GNG7: variants seen among roughly 807,000 people sequenced by gnomAD.
GNG7 encodes G protein subunit gamma 7.
Under a neutral mutation model 4.0 loss-of-function variants are expected in GNG7, and 1 was observed. That is an observed-to-expected ratio of 0.25 (90% CI 0.09 to 1.18). The LOEUF is 1.18. GNG7 is among the 50% of genes most tolerant of loss of function. The probability of loss-of-function intolerance (pLI) is 0.50; values close to 1 mark genes in which losing one functional copy is unlikely to be tolerated. For missense variants in GNG7, 86 were observed against 91.9 expected (o/e 0.94, Z 0.26); for synonymous variants, 34 against 36.9 (o/e 0.92, Z 0.29).
chr19:2,651,247 TC>T (rs1982806532), intron 1 of GNG7, among the ~76,000 whole-genome samples: 1 of 49,828 alleles, frequency 2.0e-5, no homozygotes, highest in African/African-American at 5.1e-5. Flanking sequence ...TTCCTTCCTT[TC>T]CTTCCTTCCT....
At chr19:2,554,152 ATATAT>A (rs1424186021) in intron 3 of GNG7, among the ~76,000 whole-genome samples, 2 of 144,998 alleles carry the variant, frequency 1.4e-5, no homozygotes, top group African/African-American at 2.5e-5. Flanking sequence ...GTGAACTATA[ATATAT>A]TATATATAAT....
intron 3 of GNG7, chr19:2,538,753 GAT>G (rs760187930): frequency 2.3e-6 from 1 of 431,290 alleles, no homozygotes; most frequent in East Asian, 7.3e-5. Context: ...AGACTTCCTA[GAT>G]ATATATATTT....
At chr19:2,576,979 C>T (rs374946090) in intron 2 of GNG7, among the ~76,000 whole-genome samples, 4 of 152,372 alleles carry the variant, frequency 2.6e-5, no homozygotes, top group East Asian at 3.9e-4. Flanking sequence ...CCTCTGTGCC[C>T]GGCCTGAATT....
chr19:2,663,235 A>G (rs1273912239), intron 1 of GNG7, among the ~76,000 whole-genome samples: 1 of 152,090 alleles, frequency 6.6e-6, no homozygotes, highest in East Asian at 1.9e-4. Flanking sequence ...TTAATTCCCA[A>G]TGCCACCATG....
chr19:2,568,923 A>G (rs901489717), intron 2 of GNG7, among the ~76,000 whole-genome samples: 4 of 152,140 alleles, frequency 2.6e-5, no homozygotes, highest in Admixed American at 2.0e-4. Context: ...ATATACATAC[A>G]TATACAAATA....
intron 4 of GNG7, chr19:2,517,010 C>A (rs2144724575): frequency 6.6e-6 from 1 of 152,276 alleles, no homozygotes; most frequent in South Asian, 2.1e-4. Flanking sequence ...TCCATCTGGC[C>A]CTGGATCTCA....
chr19:2,526,865 A>G (rs1225802099), intron 3 of GNG7, among the ~76,000 whole-genome samples: 1 of 144,574 alleles, frequency 6.9e-6, no homozygotes, highest in Non-Finnish European at 1.5e-5. Context: ...TTTTTTTTTG[A>G]GAGGGAGTCT....
At position 2,551,628 on chromosome 19, in the gene GNG7, T is replaced by C. The variant is rs182120633; in HGVS notation, c.-38+3521A>G. Among the ~76,000 whole-genome samples, 281 of 146,030 alleles carry C rather than the reference T, an allele frequency of 1.9e-3. 3 individuals carry two copies. Among genetic ancestry groups the C allele is most frequent in the African/African-American group, 6.7e-3 (267 of 39,704 alleles). On this transcript the variant is annotated intron_variant, in intron 3 of 4. Transcript: ENST00000382159. ...ATAAACAAATATATATTTATAAATA[T>C]ATAAAAACACATATACATATTTATA...
chr19:2,656,763 C>G (rs1982986593), intron 1 of GNG7, among the ~76,000 whole-genome samples: 1 of 152,152 alleles, frequency 6.6e-6, no homozygotes, highest in Non-Finnish European at 1.5e-5. Context: ...TACAGCACAG[C>G]TGGGAGGCCT....
At chr19:2,646,000 G>A (rs1053002826) in intron 2 of GNG7, among the ~76,000 whole-genome samples, 3 of 152,118 alleles carry the variant, frequency 2.0e-5, no homozygotes, top group African/African-American at 7.2e-5. Context: ...CAGGACCAGT[G>A]AGTGCCACGT....
At chr19:2,605,661 G>A (rs532381480) in intron 2 of GNG7, among the ~76,000 whole-genome samples, 1 of 150,916 alleles carries the variant, frequency 6.6e-6, no homozygotes, top group African/African-American at 2.4e-5. Context: ...TTACAGGCAT[G>A]CGCCACCACA....
At position 2,520,221 on chromosome 19, in the gene GNG7, T is replaced by TGA. The variant is rs200188338; in HGVS notation, c.81+385_81+386dup. On this transcript the variant is annotated intron_variant, in intron 4 of 4. Coordinates refer to ENST00000382159, the MANE Select transcript of GNG7 (RefSeq NM_052847.3). ...ACAAATCCTTCAAACAACACAGAAG[T>TGA]GAAAAGTAGATACGACATGCAGTCT... Among the ~76,000 whole-genome samples, 6 of 98,116 alleles carry TGA rather than the reference T, an allele frequency of 6.1e-5. No individual in the cohort carries two copies. In the East Asian group the frequency reaches 1.8e-3, roughly 29 times the overall value. The allele number at this position is 98,116 out of a possible 152,430, so 64.4% of individuals were successfully genotyped here. A position where few individuals can be genotyped will look rare whatever the true frequency, so the allele number is the denominator to read the frequency against.
At chr19:2,695,740 A>T (rs1913230166) in intron 1 of GNG7, among the ~76,000 whole-genome samples, 1 of 152,168 alleles carries the variant, frequency 6.6e-6, no homozygotes, top group Non-Finnish European at 1.5e-5. Context: ...ATCAGTGCCC[A>T]GGAAGCTTAC....
Position 2,697,781 on chromosome 19 carries a change from C to T in GNG7, c.-135+4865G>A, listed in dbSNP as rs562978624. 7.0e-5 allele frequency among the ~76,000 whole-genome samples: 10 copies of T among 143,350 alleles called. No homozygotes were observed. The East Asian group carries it at 2.0e-3, about 28-fold the overall frequency. The allele number at this position is 143,350 out of a possible 152,430, so 94.0% of individuals were successfully genotyped here. A position where few individuals can be genotyped will look rare whatever the true frequency, so the allele number is the denominator to read the frequency against. ...GCCAGCCTGGCCAACATGGTGAGGG[C>T]CCCGTCCCCCCCCCCGCCCGTCTCT... is the stretch of plus-strand genomic sequence containing the variant. On this transcript the variant is annotated intron_variant, in intron 1 of 4. Transcript: ENST00000382159.
At chr19:2,682,655 CAAAAAAAAAAAAA>C (rs745799326) in intron 1 of GNG7, among the ~76,000 whole-genome samples, 4 of 64,354 alleles carry the variant, frequency 6.2e-5, no homozygotes, top group Non-Finnish European at 9.5e-5. Flanking sequence ...GACTCCATCT[CAAAAAAAAAAAAA>C]AAAAAAAAAA....
chr19:2,563,039 G>T (rs1979794063), intron 2 of GNG7, among the ~76,000 whole-genome samples: 1 of 152,034 alleles, frequency 6.6e-6, no homozygotes, highest in Non-Finnish European at 1.5e-5. Context: ...CCTCCTCCCG[G>T]GTTCACGCCA....
chr19:2,566,153 G>A (rs551444320), intron 2 of GNG7, among the ~76,000 whole-genome samples: 7 of 151,942 alleles, frequency 4.6e-5, no homozygotes, highest in East Asian at 1.9e-4. Flanking sequence ...GCCAGACTCC[G>A]TCTCATAAAT....
intron 3 of GNG7, among the ~76,000 whole-genome samples, chr19:2,552,855 C>T (rs558337624): frequency 4.5e-5 from 6 of 134,178 alleles, no homozygotes; most frequent in African/African-American, 1.4e-4. Flanking sequence ...GGCTCCACCC[C>T]CCCCACCTCC....
intron 2 of GNG7, among the ~76,000 whole-genome samples, chr19:2,608,653 CCT>C (rs1981468616): frequency 6.6e-6 from 1 of 152,218 alleles, no homozygotes; most frequent in South Asian, 2.1e-4. Context: ...CGGGCAACCC[CCT>C]CTCTCTGCAG....
Sources: allele counts gnomAD v4.1 joint callset (sites outside exome capture counted in the v4.1 genomes callset), GRCh38; gene constraint gnomAD v4.1.1; transcripts MANE v1.5; gene names NCBI Gene and HGNC (gene_info 2026-07-23, HGNC 2026-07-21).